DPP8: variants seen among roughly 807,000 people sequenced by gnomAD.
DPP8 encodes dipeptidyl peptidase 8, also known as DPP VIII.
Under a neutral mutation model 107.5 loss-of-function variants are expected in DPP8, and 31 were observed. The ratio of observed to expected loss-of-function variants is 0.29; its 90% CI spans 0.22 to 0.39. The LOEUF is 0.39. Among genes scored for constraint, DPP8 ranks in the 10% least tolerant of loss-of-function variants. DPP8 has a pLI of 1.00. For synonymous variants in DPP8, 381 were observed against 356.6 expected (o/e 1.07, Z -0.77); for missense variants, 842 against 1,076.1 (o/e 0.78, Z 3.04).
At chr15:65,467,983 G>A (rs2065509032) in intron 12 of DPP8, among the ~76,000 whole-genome samples, 1 of 151,942 alleles carries the variant, frequency 6.6e-6, no homozygotes, top group Non-Finnish European at 1.5e-5. Context: ...TTATCTATTG[G>A]GTTGTGGAAT....
intron 9 of DPP8, 45 bp downstream of exon 9, chr15:65,481,470 G>T: frequency 7.7e-7 from 1 of 1,301,056 alleles, no homozygotes; most frequent in Non-Finnish European, 1.1e-6. Context: ...CCAAAGCTCT[G>T]GATCCTAAAT....
At chr15:65,508,138 G>A (rs566582177) in intron 2 of DPP8, among the ~76,000 whole-genome samples, 1 of 152,092 alleles carries the variant, frequency 6.6e-6, no homozygotes, top group African/African-American at 2.4e-5. Context: ...TATTTGGGTG[G>A]CTGAGGCAGG....
chr15:65,481,677 T>A, intron 8 of DPP8, 62 bp from the exon 9 acceptor site: 1 of 987,556 alleles, frequency 1.0e-6, no homozygotes. Flanking sequence ...ATTAGCTTGC[T>A]AGTCTACTTT....
At chr15:65,488,676 C>G (rs1399424230) in intron 6 of DPP8, among the ~76,000 whole-genome samples, 1 of 146,606 alleles carries the variant, frequency 6.8e-6, no homozygotes, top group Non-Finnish European at 1.5e-5. Context: ...GAGCATTACA[C>G]ATAAGAATAA....
chr15:65,489,189 G>A (rs2067749559), intron 6 of DPP8, among the ~76,000 whole-genome samples: 1 of 152,002 alleles, frequency 6.6e-6, no homozygotes, highest in African/African-American at 2.4e-5. Flanking sequence ...TCGATCTCCT[G>A]ACCTCATGAT....
chr15:65,514,553 G>A (rs1158484664), intron 1 of DPP8, among the ~76,000 whole-genome samples: 3 of 152,168 alleles, frequency 2.0e-5, no homozygotes, highest in African/African-American at 7.2e-5. Flanking sequence ...CTGTCACCCA[G>A]GGTAGAGTGC....
At chr15:65,459,903 C>T (rs1003159867) in intron 15 of DPP8, among the ~76,000 whole-genome samples, 1 of 150,634 alleles carries the variant, frequency 6.6e-6, no homozygotes, top group Non-Finnish European at 1.5e-5. Context: ...TGCAGTGAGC[C>T]GAGATCGTGC....
chr15:65,469,202 T>C (rs927679940), intron 12 of DPP8, among the ~76,000 whole-genome samples: 1 of 151,294 alleles, frequency 6.6e-6, no homozygotes, highest in African/African-American at 2.4e-5. Context: ...CTCGAACTCC[T>C]GACCTCAGAT....
At chr15:65,463,495 T>C (rs1296068177) in intron 15 of DPP8, among the ~76,000 whole-genome samples, 2 of 151,884 alleles carry the variant, frequency 1.3e-5, no homozygotes, top group Non-Finnish European at 2.9e-5. Context: ...TGAGCCGACA[T>C]TGCGCCATTG....
chr15:65,473,360 G>C (rs928806158), intron 12 of DPP8, among the ~76,000 whole-genome samples: 3 of 150,944 alleles, frequency 2.0e-5, no homozygotes, highest in African/African-American at 7.3e-5. Context: ...AGGGAAAATA[G>C]AGAAGACAGA....
At chr15:65,452,221 G>T in intron 17 of DPP8, 119 bp from the exon 18 acceptor site, 1 of 1,163,342 alleles carries the variant, frequency 8.6e-7, no homozygotes, top group Non-Finnish European at 1.2e-6. Flanking sequence ...CCTTACTACT[G>T]GCGCATACAT....
At chr15:65,514,788 G>A (rs1399638976) in intron 1 of DPP8, among the ~76,000 whole-genome samples, 1 of 152,202 alleles carries the variant, frequency 6.6e-6, no homozygotes, top group African/African-American at 2.4e-5. Context: ...GGGATTACAG[G>A]TGGGAGCCAC....
At chr15:65,448,866 A>ATATATATGTGTGTGTGTGTGTGTGTG (rs2063711529) in intron 19 of DPP8, among the ~76,000 whole-genome samples, 1 of 4,490 alleles carries the variant, frequency 2.2e-4, no homozygotes, top group African/African-American at 5.3e-4. Flanking sequence ...TATATCTAAA[A>ATATATATGTGTGTGTGTGTGTGTGTG]TATATATATA....
intron 10 of DPP8, among the ~76,000 whole-genome samples, chr15:65,479,826 G>A (rs1170500252): frequency 1.4e-5 from 2 of 139,956 alleles, no homozygotes; most frequent in Admixed American, 7.4e-5. Context: ...AGTCTGGCCT[G>A]GGCGACAGAG....
intron 9 of DPP8, among the ~76,000 whole-genome samples, 173 bp from the exon 10 acceptor site, chr15:65,480,572 C>T (rs1048473860): frequency 6.6e-6 from 1 of 152,128 alleles, no homozygotes; most frequent in Non-Finnish European, 1.5e-5. Context: ...ACACTTTAAG[C>T]TTGAACAGAA....
intron 5 of DPP8, among the ~76,000 whole-genome samples, chr15:65,492,940 T>C (rs1215126033): frequency 1.3e-5 from 2 of 152,112 alleles, no homozygotes; most frequent in Non-Finnish European, 1.5e-5. Context: ...TTTGCTTATT[T>C]ATATTTTCTA....
chr15:65,485,132 C>G lies in DPP8; in HGVS notation c.984G>C (p.Lys328Asn). 6.2e-7 allele frequency: 1 copy of G among 1,610,574 alleles called. No individual in the cohort carries two copies. Among genetic ancestry groups the G allele is most frequent in the Non-Finnish European group, 8.5e-7 (1 of 1,176,778 alleles). ...TGTANPKVTF[K>N]MSEIMIDAEG... ...CAGCATCAATCATTATTTCTGACATCTTAAAAGTGACTTTAGGATTTGCTG... is the reference window on the plus strand; with the variant it reads ...CAGCATCAATCATTATTTCTGACATGTTAAAAGTGACTTTAGGATTTGCTG... Residue 328 changes from lysine to asparagine, a missense_variant, in exon 8 of 20, where the codon AAG (lysine) becomes AAC (asparagine). Coordinates refer to ENST00000300141, the MANE Select transcript of DPP8 (RefSeq NM_130434.5).
At chr15:65,509,010 T>C (rs1398803410) in intron 2 of DPP8, among the ~76,000 whole-genome samples, 1 of 152,226 alleles carries the variant, frequency 6.6e-6, no homozygotes, top group African/African-American at 2.4e-5. Context: ...GGGAAAGGTA[T>C]TTATGATAAC....
intron 7 of DPP8, among the ~76,000 whole-genome samples, 190 bp downstream of exon 7, chr15:65,487,500 C>T (rs1223773154): frequency 1.3e-5 from 2 of 152,150 alleles, no homozygotes; most frequent in Non-Finnish European, 1.5e-5. Flanking sequence ...GTAGACATCC[C>T]TACCTTTGAA....
Sources: gnomAD v4.1 joint callset for allele counts (sites outside exome capture counted in the v4.1 genomes callset) on GRCh38, gnomAD v4.1.1 for gene constraint, MANE v1.5 for transcripts, NCBI Gene and HGNC (gene_info 2026-07-23, HGNC 2026-07-21) for gene names.